The following TMEM242 variants were observed in gnomAD, a reference collection of about 807,000 sequenced individuals.
TMEM242 encodes transmembrane protein 242.
Under a neutral mutation model 18.2 loss-of-function variants are expected in TMEM242, and 10 were observed. The ratio of observed to expected loss-of-function variants is 0.55; its 90% CI spans 0.34 to 0.93. TMEM242 has a LOEUF of 0.93. TMEM242 is among the 40% of genes least tolerant of loss of function. The probability of loss-of-function intolerance (pLI) is 0.02; values close to 1 mark genes in which losing one functional copy is unlikely to be tolerated. For missense variants in TMEM242, 186 were observed against 175.5 expected, an observed-to-expected ratio of 1.06 and a Z score of -0.34; for synonymous variants, 57 against 69.9, an observed-to-expected ratio of 0.81 and a Z score of 0.92.
At chr6:157,297,819 T>C (rs1777770600) in intron 3 of TMEM242, among the ~76,000 whole-genome samples, 1 of 152,238 alleles carries the variant, frequency 6.6e-6, no homozygotes, top group South Asian at 2.1e-4. Flanking sequence ...TATTATTAAA[T>C]ATTCAACTGC....
At chr6:157,316,870 CAA>C (rs1243705002) in intron 3 of TMEM242, among the ~76,000 whole-genome samples, 1 of 152,064 alleles carries the variant, frequency 6.6e-6, no homozygotes, top group East Asian at 1.9e-4. Context: ...ACCTTGTCTC[CAA>C]AGAGTCGAAA....
At chr6:157,313,377 T>TCATCATACTGCCC (rs1778266713) in intron 3 of TMEM242, among the ~76,000 whole-genome samples, 4 of 24,522 alleles carry the variant, frequency 1.6e-4, no homozygotes, top group African/African-American at 4.3e-4. Flanking sequence ...TCATAGTGCC[T>TCATCATACTGCCC]CAGTGTACGC....
At chr6:157,319,172 C>T (rs1174355894) in intron 2 of TMEM242, among the ~76,000 whole-genome samples, 1 of 152,162 alleles carries the variant, frequency 6.6e-6, no homozygotes, top group East Asian at 1.9e-4. Flanking sequence ...ATTTCTCTAT[C>T]CCCCATTCAT....
At chr6:157,319,264 G>T (rs1280329918) in intron 2 of TMEM242, among the ~76,000 whole-genome samples, 1 of 152,162 alleles carries the variant, frequency 6.6e-6, no homozygotes, top group Non-Finnish European at 1.5e-5. Context: ...ATAATATTAA[G>T]ATGAGCAAGG....
chr6:157,310,972 T>C (rs1554248533), intron 3 of TMEM242, among the ~76,000 whole-genome samples: 3 of 148,830 alleles, frequency 2.0e-5, no homozygotes, highest in Non-Finnish European at 1.5e-5. Context: ...GGCCTCATCA[T>C]AGTGTCCCAG....
Position 157,305,503 on chromosome 6 carries a change from G to A in TMEM242, c.328-12504C>T, listed in dbSNP as rs1260088776. ...AGGGCACACAATATGAAGCAGAGAC[G>A]CCGATCTGAAGGTCAGGGCTGGGGC... On this transcript the variant is annotated intron_variant, in intron 3 of 3. Coordinates refer to ENST00000400788, the MANE Select transcript of TMEM242 (RefSeq NM_018452.6). The surrounding 1 kb of genome is among the most constrained non-coding windows in gnomAD (Gnocchi z 4.1). Among the ~76,000 whole-genome samples, 3 of 152,138 alleles carry A rather than the reference G, an allele frequency of 2.0e-5. No individual in the cohort carries two copies. Among genetic ancestry groups the A allele is most frequent in the Non-Finnish European group, 2.9e-5 (2 of 68,030 alleles).
intron 3 of TMEM242, among the ~76,000 whole-genome samples, chr6:157,294,016 C>T (rs1777717572): frequency 6.6e-6 from 1 of 152,162 alleles, no homozygotes; most frequent in African/African-American, 2.4e-5. Flanking sequence ...CCACCGCGCC[C>T]AGCCTAAGAG....
At chr6:157,296,994 T>A (rs782180960) in intron 3 of TMEM242, among the ~76,000 whole-genome samples, 1 of 152,252 alleles carries the variant, frequency 6.6e-6, no homozygotes, top group Non-Finnish European at 1.5e-5. Flanking sequence ...TTCAGGATTA[T>A]GCCTCTAATA....
rs1373500278 is a variant in TMEM242 at position 157,318,662 on chromosome 6, T to C, written c.327+120A>G. 17 of 1,134,264 alleles carry C rather than the reference T, an allele frequency of 1.5e-5. No homozygotes were observed. The African/African-American group carries it at 2.5e-4, about 17-fold the overall frequency. The allele number at this position is 1,134,264 out of a possible 1,614,324, so 70.3% of individuals were successfully genotyped here. ...TGTAAGAATTTAGTCACGTACTCTG[T>C]CATCATCTCCCTAGACAGTGACCAA... On this transcript the variant is annotated intron_variant, in intron 3 of 3. Coordinates refer to ENST00000400788, the MANE Select transcript of TMEM242 (RefSeq NM_018452.6).
intron 3 of TMEM242, among the ~76,000 whole-genome samples, chr6:157,315,298 G>T (rs782290493): frequency 6.6e-6 from 1 of 152,202 alleles, no homozygotes; most frequent in Non-Finnish European, 1.5e-5. Context: ...CCCTTTACAG[G>T]GTAGCGCTGT....
At chr6:157,302,247 C>A (rs1777841663) in intron 3 of TMEM242, among the ~76,000 whole-genome samples, 1 of 152,156 alleles carries the variant, frequency 6.6e-6, no homozygotes, top group Admixed American at 6.5e-5. Flanking sequence ...TAGAGGAATC[C>A]TTTAAAAGCA....
intron 3 of TMEM242, chr6:157,299,783 T>G (rs587690000): frequency 6.2e-7 from 1 of 1,603,610 alleles, no homozygotes; most frequent in East Asian, 2.2e-5. Flanking sequence ...ACAAACAATA[T>G]TTGGCGTTTT....
intron 1 of TMEM242, among the ~76,000 whole-genome samples, 184 bp downstream of exon 1, chr6:157,323,228 G>A (rs1400008032): frequency 2.0e-5 from 3 of 152,162 alleles, no homozygotes; most frequent in Non-Finnish European, 4.4e-5. Context: ...CCGCCCAAGG[G>A]GAGACTCCAC....
At position 157,318,909 on chromosome 6, in the gene TMEM242, G is replaced by C; in HGVS notation, c.200C>G (p.Ala67Gly). Reference protein sequence around the residue: ...SPEWFNKGSMATAALPESGSS... With the variant: ...SPEWFNKGSMGTAALPESGSS... Reference sequence around the variant, plus strand: ...CCCGCTTTCCGGTAATGCAGCCGTGGCCATACTTCCCTGAAATGAAACAGA... The same window carrying C: ...CCCGCTTTCCGGTAATGCAGCCGTGCCCATACTTCCCTGAAATGAAACAGA... Residue 67 changes from alanine (A) to glycine (G), a missense_variant, in exon 3 of 4, where the codon GCC becomes GGC. Coordinates refer to ENST00000400788, the MANE Select transcript of TMEM242 (RefSeq NM_018452.6). 1 of 1,602,338 alleles carries C rather than the reference G, an allele frequency of 6.2e-7. No homozygotes were observed. The highest frequency in any genetic ancestry group is 2.2e-5 in the East Asian group (1 of 44,724).
In TMEM242 at chr6:157,322,748, G is replaced by T. The variant is rs782426880; in HGVS notation, c.146C>A (p.Thr49Lys). 6.8e-6 allele frequency: 11 copies of T among 1,613,898 alleles called. No homozygotes were observed. The highest frequency in any genetic ancestry group is 8.5e-6 in the Non-Finnish European group (10 of 1,179,958). The change falls in exon 2 of 4, where the codon ACA becomes AAA. Residue 49 changes from threonine (T) to lysine (K), a missense_variant. Coordinates refer to ENST00000400788, the MANE Select transcript of TMEM242 (RefSeq NM_018452.6). The stretch of plus-strand genomic sequence containing the variant: ...GCTTTTCTTTTTAGCCAATGATAAT[G>T]TTGTAATAAATCCAGCTAGCATTCC... The part of the protein sequence containing the change: ...AAGMLAGFIT[T>K]LSLAKKKSPE...
At chr6:157,308,757 G>A (rs1777950445) in intron 3 of TMEM242, among the ~76,000 whole-genome samples, 1 of 151,722 alleles carries the variant, frequency 6.6e-6, no homozygotes, top group South Asian at 2.1e-4. Context: ...AGAGTTGGGG[G>A]TGGGGGTGGA....
rs587694122 is a variant in TMEM242 at position 157,312,439 on chromosome 6, T to C, written c.327+6343A>G. On this transcript the variant is annotated intron_variant, in intron 3 of 3. Transcript: ENST00000400788. ...CTCATCATAGTGTCACAGTGTGCAC[T>C]CACCGAGCCTCATAGTGCCCCAGCG... Among the ~76,000 whole-genome samples, 3 of 95,528 alleles carry C rather than the reference T, an allele frequency of 3.1e-5. No homozygotes were observed. The South Asian group carries it at 1.2e-3, about 38-fold the overall frequency. The allele number at this position is 95,528 out of a possible 152,430, so 62.7% of individuals were successfully genotyped here.
At chr6:157,316,285 C>A (rs1255051186) in intron 3 of TMEM242, among the ~76,000 whole-genome samples, 3 of 152,156 alleles carry the variant, frequency 2.0e-5, no homozygotes, top group Non-Finnish European at 2.9e-5. Context: ...CACTGCCAAT[C>A]ACATGTTATG....
intron 1 of TMEM242, among the ~76,000 whole-genome samples, chr6:157,323,125 C>A (rs782348155): frequency 8.5e-5 from 13 of 152,114 alleles, no homozygotes; most frequent in Non-Finnish European, 1.5e-4. Flanking sequence ...GAGACGATGG[C>A]AATCAGAAAA....
Sources: gnomAD v4.1 joint callset for allele counts (sites outside exome capture counted in the v4.1 genomes callset) on GRCh38, gnomAD v4.1.1 for gene constraint, Gnocchi (gnomAD v3.1) non-coding constraint, MANE v1.5 for transcripts, NCBI Gene and HGNC (gene_info 2026-07-23, HGNC 2026-07-21) for gene names.